The following C2 variants were observed in gnomAD, a reference collection of about 807,000 sequenced individuals.
C2 encodes complement C2.
C2 carries 64 observed loss-of-function variants against 85.2 expected under a neutral mutation model. That is an observed-to-expected ratio of 0.75 (90% CI 0.61 to 0.92). The LOEUF is 0.92. Ranked by LOEUF, C2 falls within the 40% of genes least tolerant of loss-of-function variation. The pLI, the probability that C2 is intolerant of heterozygous loss-of-function variation, is 0.00. For synonymous variants in C2, 311 were observed against 370.8 expected (o/e 0.84, Z 1.85); for missense variants, 820 against 971.6 (o/e 0.84, Z 2.07).
At chr6:31,915,439 T>A (rs752318229), upstream of C2, among the ~76,000 whole-genome samples, 2 of 152,206 alleles carry the variant, frequency 1.3e-5, no homozygotes, top group Non-Finnish European at 2.9e-5. Flanking sequence ...ACCTTTCTGA[T>A]CTTCTAGAGA....
intron 1 of C2, chr6:31,901,434 G>C (rs1169737850): frequency 4.7e-6 from 5 of 1,054,482 alleles, no homozygotes; most frequent in Non-Finnish European, 5.3e-6. Context: ...CCGATCTCCC[G>C]GTCTTCAGAT....
chr6:31,938,485 T>C (rs1476921455), intron 8 of C2, among the ~76,000 whole-genome samples: 3 of 147,726 alleles, frequency 2.0e-5, no homozygotes, highest in African/African-American at 7.4e-5. Flanking sequence ...TACATACATA[T>C]ATATATATAT....
Position 31,945,236 on chromosome 6 carries a change from C to T in C2, c.2138C>T (p.Ser713Phe), listed in dbSNP as rs1771288455. Residue 713 changes from serine (S) to phenylalanine (F), a missense_variant, in exon 18 of 18, where the codon TCC (serine) becomes TTC (phenylalanine). By Grantham distance (155) the Ser-to-Phe change is radical (BLOSUM62 -2). Coordinates refer to ENST00000299367, the MANE Select transcript of C2 (RefSeq NM_000063.6). This position sits in a 1 kb window ranked among gnomAD's most constrained non-coding sequence, Gnocchi z 5.3. ...TGCCTTGGCTCTGCTGACAAAAACT[C>T]CCGCAAAAGGGCCCCTCGTAGCAAG... Reference protein sequence around the residue: ...NPCLGSADKNSRKRAPRSKVP... With the variant: ...NPCLGSADKNFRKRAPRSKVP... 3.1e-6 allele frequency: 5 copies of T among 1,612,858 alleles called. No individual in the cohort carries two copies. The highest frequency in any genetic ancestry group is 4.2e-6 in the Non-Finnish European group (5 of 1,180,022).
chr6:31,919,197 T>C (rs1352593637), upstream of C2, among the ~76,000 whole-genome samples: 1 of 150,736 alleles, frequency 6.6e-6, no homozygotes, highest in African/African-American at 2.4e-5. Flanking sequence ...CAGGTTGGAG[T>C]GCAGTGGTGC....
rs1374691890 is a variant in C2, at chr6:31,933,953, C to A, written c.703C>A (p.Gln235Lys). Reference protein sequence around the residue: ...SHMLGATNPTQKTKESLGRKI... With the variant: ...SHMLGATNPTKKTKESLGRKI... ...CATGCTTGGGGCCACCAATCCCACCCAGAAGACAAAGGGTGAGTGTTTGAG... is the reference window on the plus strand; with the variant it reads ...CATGCTTGGGGCCACCAATCCCACCAAGAAGACAAAGGGTGAGTGTTTGAG... Residue 235 changes from glutamine (Q) to lysine (K), a missense_variant, in exon 5 of 18, where the codon CAG becomes AAG. Transcript: ENST00000299367. 6.2e-7 allele frequency: 1 copy of A among 1,613,598 alleles called. No individual in the cohort carries two copies. The highest frequency in any genetic ancestry group is 1.1e-5 in the South Asian group (1 of 91,082).
intron 2 of C2, 145 bp from the exon 3 acceptor site, chr6:31,928,587 T>C: frequency 1.3e-6 from 1 of 799,880 alleles, no homozygotes; most frequent in Non-Finnish European, 2.0e-6. Context: ...AAACAGCAAT[T>C]TCACATGTTG....
At chr6:31,923,616 TG>T (rs1164626543), upstream of C2, among the ~76,000 whole-genome samples, 2 of 151,134 alleles carry the variant, frequency 1.3e-5, no homozygotes, top group African/African-American at 4.9e-5. Flanking sequence ...CCCGAGTAGC[TG>T]GGACTACAGG....
chr6:31,910,477 C>T (rs573796184), intron 1 of C2, among the ~76,000 whole-genome samples: 33 of 151,852 alleles, frequency 2.2e-4, no homozygotes, highest in African/African-American at 7.3e-4. Flanking sequence ...TACAGGCACA[C>T]GCCACCACAC....
At chr6:31,903,210 G>A (rs1232601426) in intron 1 of C2, among the ~76,000 whole-genome samples, 1 of 152,204 alleles carries the variant, frequency 6.6e-6, no homozygotes, top group Non-Finnish European at 1.5e-5. Flanking sequence ...CAGGAGACTA[G>A]TGCGTTTTCC....
In C2 at chr6:31,943,537, G is replaced by T; in HGVS notation, c.1567+10G>T. 6.2e-7 allele frequency: 1 copy of T among 1,611,566 alleles called. No individual in the cohort carries two copies. Among genetic ancestry groups the T allele is most frequent in the Non-Finnish European group, 8.5e-7 (1 of 1,178,744 alleles). Reference sequence around the variant, plus strand: ...TGGAGGGTCAATGTGGGTAAGGCAGGGGATGCACCAGCCTCCTGATCCTGA... The same window carrying T: ...TGGAGGGTCAATGTGGGTAAGGCAGTGGATGCACCAGCCTCCTGATCCTGA... On this transcript the variant is annotated intron_variant, in intron 12 of 17. Transcript: ENST00000299367. This position sits in a 1 kb window ranked among gnomAD's most constrained non-coding sequence, Gnocchi z 6.4.
Position 31,943,438 on chromosome 6 carries a change from G to A in C2, c.1478G>A (p.Arg493Gln), listed in dbSNP as rs544657195. The change falls in exon 12 of 18, where the codon CGG becomes CAG. Residue 493 changes from arginine to glutamine, a missense_variant. Transcript: ENST00000299367. This position sits in a 1 kb window ranked among gnomAD's most constrained non-coding sequence, Gnocchi z 6.4. ...CAGCCCAAGAGCCAAGAGACCTGCC[G>A]GGGGGCCCTCATCTCCGACCAATGG... ...TIKPKSQETC[R>Q]GALISDQWVL... 1.1e-4 allele frequency: 170 copies of A among 1,612,844 alleles called. No individual in the cohort carries two copies. The South Asian group carries it at 1.7e-3, about 16-fold the overall frequency.
Position 31,945,326 on chromosome 6 carries a change from T to C in C2, c.2228T>C (p.Leu743Pro). ...ATGCAGCCCTGGCTGAGGCAGCACCTGGGGGATGTCCTGAATTTTTTACCC... is the reference window on the plus strand; with the variant it reads ...ATGCAGCCCTGGCTGAGGCAGCACCCGGGGGATGTCCTGAATTTTTTACCC... Reference protein sequence around the residue: ...FRMQPWLRQHLGDVLNFLPL With the variant: ...FRMQPWLRQHPGDVLNFLPL Residue 743 changes from leucine (L) to proline (P), a missense_variant, in exon 18 of 18, where the codon CTG becomes CCG. Coordinates refer to ENST00000299367, the MANE Select transcript of C2 (RefSeq NM_000063.6). This position sits in a 1 kb window ranked among gnomAD's most constrained non-coding sequence, Gnocchi z 5.3. 6.2e-7 allele frequency: 1 copy of C among 1,612,980 alleles called. No homozygotes were observed. Among genetic ancestry groups the C allele is most frequent in the Non-Finnish European group, 8.5e-7 (1 of 1,179,988 alleles).
chr6:31,934,034 A>C (rs1770185231), intron 5 of C2, 69 bp downstream of exon 5: 1 of 1,557,222 alleles, frequency 6.4e-7, no homozygotes, highest in Non-Finnish European at 8.9e-7. Flanking sequence ...GGGAGGATGC[A>C]ACCTTCCTGG....
In C2 at chr6:31,928,124, C is replaced by T. The variant is rs1233113885; in HGVS notation, c.216C>T (p.Thr72=). The T allele has an allele frequency of 6.2e-7, 1 of 1,613,268 alleles. No homozygotes were observed. The highest frequency in any genetic ancestry group is 8.5e-7 in the Non-Finnish European group (1 of 1,179,960). ...GCAAGAGCAGCGGACAGTGGCAGAC[C>T]CCAGGAGCCACCCGGTCTCTGTCTA... ...RLCKSSGQWQ[T]PGATRSLSKA... Residue 72 remains threonine (T), a synonymous_variant, in exon 2 of 18, where the codon ACC becomes ACT. Coordinates refer to ENST00000299367, the MANE Select transcript of C2 (RefSeq NM_000063.6).
At chr6:31,910,180 GT>G (rs935109413) in intron 1 of C2, among the ~76,000 whole-genome samples, 18 of 144,412 alleles carry the variant, frequency 1.2e-4, no homozygotes, top group Admixed American at 2.1e-4. Flanking sequence ...CGCCTGGCTT[GT>G]TTTTTTTTTT....
At chr6:31,910,704 G>C (rs1248957935) in intron 1 of C2, among the ~76,000 whole-genome samples, 1 of 152,048 alleles carries the variant, frequency 6.6e-6, no homozygotes, top group Non-Finnish European at 1.5e-5. Context: ...CATGAGCCCA[G>C]CACGGTGGCC....
chr6:31,913,140 C>T (rs1562559338), intron 1 of C2, among the ~76,000 whole-genome samples: 1 of 151,874 alleles, frequency 6.6e-6, no homozygotes, highest in African/African-American at 2.4e-5. Context: ...GAGATAGACT[C>T]TCACTATGTT....
rs867735383 is a variant in C2 at position 31,944,134 on chromosome 6, G to A, written c.1811-1G>A. ...CCAACATCCCCTTCTCTTGACTATA[G>A]AGAATGAACTGCTGAACAAACAGAG... On this transcript the variant is annotated splice_acceptor_variant, in intron 14 of 17. Transcript: ENST00000299367. LOFTEE classifies it high-confidence loss of function. This position sits in a 1 kb window ranked among gnomAD's most constrained non-coding sequence, Gnocchi z 5.1. 1 of 1,611,848 alleles carries A rather than the reference G, an allele frequency of 6.2e-7. No individual in the cohort carries two copies. Among genetic ancestry groups the A allele is most frequent in the South Asian group, 1.1e-5 (1 of 91,066 alleles).
At chr6:31,902,231 C>A (rs1303364207) in intron 1 of C2, among the ~76,000 whole-genome samples, 1 of 151,390 alleles carries the variant, frequency 6.6e-6, no homozygotes, top group Non-Finnish European at 1.5e-5. Context: ...CGTTCCACAC[C>A]CCCCTCTTTC....
Sources: gnomAD v4.1 joint callset for allele counts (sites outside exome capture counted in the v4.1 genomes callset) on GRCh38, gnomAD v4.1.1 for gene constraint, Gnocchi (gnomAD v3.1) non-coding constraint, MANE v1.5 for transcripts, NCBI Gene and HGNC (gene_info 2026-07-23, HGNC 2026-07-21) for gene names.